The following VLDLR variants were observed in gnomAD, a reference collection of about 807,000 sequenced individuals.
VLDLR encodes the protein very low-density lipoprotein receptor.
In VLDLR, 81 loss-of-function variants were observed where a neutral mutation model predicts 112.7. That is an observed-to-expected ratio of 0.72 (90% CI 0.60 to 0.86). The LOEUF is 0.86. Among genes scored for constraint, VLDLR ranks in the 40% least tolerant of loss-of-function variants. The probability of loss-of-function intolerance (pLI) is 0.00; values close to 1 mark genes in which losing one functional copy is unlikely to be tolerated. For synonymous variants in VLDLR, 436 were observed against 384.8 expected (o/e 1.13, Z -1.56); for missense variants, 1,237 against 1,099.4 (o/e 1.13, Z -1.77).
In VLDLR at chr9:2,622,084, C is replaced by T. The variant is rs2130746857; in HGVS notation, c.-106C>T. On this transcript the variant is annotated 5_prime_UTR_variant, in exon 1 of 19. Transcript: ENST00000382100. ...TCCTTCCCCTCCTTCTCCCCCTTTC[C>T]CCTCCCCGCCCCCACCTTCTTCCTC... 3 of 1,157,680 alleles carry T rather than the reference C, an allele frequency of 2.6e-6. No homozygotes were observed. The highest frequency in any genetic ancestry group is 1.6e-5 in the African/African-American group (1 of 62,026). The allele number at this position is 1,157,680 out of a possible 1,614,324, so 71.7% of individuals were successfully genotyped here. A position where few individuals can be genotyped will look rare whatever the true frequency, so the allele number is the denominator to read the frequency against.
chr9:2,648,602 T>C, intron 13 of VLDLR, 67 bp from the exon 14 acceptor site: 1 of 1,610,680 alleles, frequency 6.2e-7, no homozygotes, highest in Middle Eastern at 1.7e-4. Flanking sequence ...AAGTAAATGA[T>C]GATGACCTTA....
chr9:2,631,251 T>C (rs1817337033), intron 1 of VLDLR, among the ~76,000 whole-genome samples: 1 of 152,164 alleles, frequency 6.6e-6, no homozygotes, highest in Admixed American at 6.5e-5. Flanking sequence ...AGGAAAACAA[T>C]ATGCAGATTT....
chr9:2,652,035 C>T, intron 17 of VLDLR, 81 bp downstream of exon 17: 1 of 1,287,822 alleles, frequency 7.8e-7, no homozygotes, highest in Non-Finnish European at 1.1e-6. Context: ...GGAGCTACCC[C>T]TTTCATGGGC....
At chr9:2,622,585 G>C (rs1816864167) in intron 1 of VLDLR, among the ~76,000 whole-genome samples, 1 of 152,246 alleles carries the variant, frequency 6.6e-6, no homozygotes, top group South Asian at 2.1e-4. Context: ...GCCGAGGTGC[G>C]TGGGCTTCTG....
chr9:2,652,591 GAGCT>G lies in VLDLR; in HGVS notation c.2417-187_2417-184del, dbSNP rs1486613611. On this transcript the variant is annotated intron_variant, in intron 17 of 18. Transcript: ENST00000382100. The stretch of plus-strand genomic sequence containing the variant: ...GTGGCTAGTCCAGCTCCAGTGCACA[GAGCT>G]ACCTCTGGGCTGAACTTGTTTCAAG... 5.9e-5 allele frequency among the ~76,000 whole-genome samples: 9 copies of G among 152,320 alleles called. No individual in the cohort carries two copies. In the South Asian group the frequency reaches 1.9e-3, roughly 32 times the overall value.
intron 1 of VLDLR, among the ~76,000 whole-genome samples, chr9:2,630,261 T>C (rs1409156988): frequency 6.6e-6 from 1 of 152,192 alleles, no homozygotes; most frequent in East Asian, 1.9e-4. Context: ...TTGCTTGTCC[T>C]GAAAGGAGTT....
At chr9:2,623,221 C>A (rs2130751919) in intron 1 of VLDLR, among the ~76,000 whole-genome samples, 1 of 152,236 alleles carries the variant, frequency 6.6e-6, no homozygotes, top group East Asian at 1.9e-4. Context: ...GACTCTGCCG[C>A]GGGGGCCTGG....
At chr9:2,624,638 T>G (rs763437896) in intron 1 of VLDLR, among the ~76,000 whole-genome samples, 1 of 152,196 alleles carries the variant, frequency 6.6e-6, no homozygotes, top group Non-Finnish European at 1.5e-5. Context: ...AGCCTAAGAA[T>G]AGAAAGAAAA....
intron 13 of VLDLR, 30 bp downstream of exon 13, chr9:2,648,377 C>T (rs373731010): frequency 1.9e-5 from 30 of 1,613,260 alleles, no homozygotes; most frequent in Middle Eastern, 1.6e-4. Context: ...AAAGTGTGTA[C>T]CTTTGAGCTA....
At chr9:2,635,360 G>A (rs1398797789) in intron 1 of VLDLR, 93 bp from the exon 2 acceptor site, 20 of 1,596,792 alleles carry the variant, frequency 1.3e-5, no homozygotes, top group Non-Finnish European at 1.7e-5. Context: ...CGAGTCTGCA[G>A]TATCCTTCTG....
Position 2,651,856 on chromosome 9 carries a change from C to T in VLDLR, c.2336-18C>T, listed in dbSNP as rs745330081. 6.2e-7 allele frequency: 1 copy of T among 1,613,832 alleles called. No individual in the cohort carries two copies. On this transcript the variant is annotated intron_variant, in intron 16 of 18. Transcript: ENST00000382100. ...GAATACAGATCCTTCTAAACTGATTCCTTTTATTCCTCTGTAGGGATCAAT... is the reference window on the plus strand; with the variant it reads ...GAATACAGATCCTTCTAAACTGATTTCTTTTATTCCTCTGTAGGGATCAAT...
intron 1 of VLDLR, among the ~76,000 whole-genome samples, chr9:2,625,861 C>T (rs918209300): frequency 6.6e-6 from 1 of 152,228 alleles, no homozygotes; most frequent in Non-Finnish European, 1.5e-5. Context: ...GAGTTTTGGG[C>T]TAGAAAATCT....
chr9:2,630,486 T>C (rs1817300551), intron 1 of VLDLR, among the ~76,000 whole-genome samples: 1 of 152,184 alleles, frequency 6.6e-6, no homozygotes, highest in South Asian at 2.1e-4. Context: ...CATGAGCCTC[T>C]GTGCAGGCTG....
chr9:2,643,717 G>T lies in VLDLR; in HGVS notation c.910G>T (p.Val304Phe). ...SRQCNGIRDC[V>F]DGSDEVNCKN... The stretch of plus-strand genomic sequence containing the variant: ...GCAGTGTAATGGTATCCGAGACTGT[G>T]TCGATGGTTCCGATGAAGTCAACTG... The change falls in exon 6 of 19, where the codon GTC becomes TTC. Residue 304 changes from valine to phenylalanine, a missense_variant. Val to Phe is a conservative substitution (Grantham distance 50). Transcript: ENST00000382100. 6.2e-7 allele frequency: 1 copy of T among 1,614,212 alleles called. No individual in the cohort carries two copies. The highest frequency in any genetic ancestry group is 8.5e-7 in the Non-Finnish European group (1 of 1,180,032).
chr9:2,646,526 C>T lies in VLDLR; in HGVS notation c.1677C>T (p.Ala559=). 6.2e-7 allele frequency: 1 copy of T among 1,614,134 alleles called. No homozygotes were observed. The highest frequency in any genetic ancestry group is 8.5e-7 in the Non-Finnish European group (1 of 1,180,020). ...FLFNSDLREP[A]SIAVDPLSGF... The stretch of plus-strand genomic sequence containing the variant: ...TTAACTCTGACTTGCGAGAGCCTGC[C>T]TCCATAGCTGTGGACCCACTGTCTG... Residue 559 remains alanine (A), a synonymous_variant, in exon 11 of 19, where the codon GCC becomes GCT. Coordinates refer to ENST00000382100, the MANE Select transcript of VLDLR (RefSeq NM_003383.5).
At chr9:2,624,796 A>T (rs1297229439) in intron 1 of VLDLR, among the ~76,000 whole-genome samples, 1 of 152,190 alleles carries the variant, frequency 6.6e-6, no homozygotes, top group Non-Finnish European at 1.5e-5. Context: ...TCAAAGACTG[A>T]TCACTCATGT....
intron 11 of VLDLR, among the ~76,000 whole-genome samples, chr9:2,647,070 C>T (rs1479603681): frequency 6.6e-6 from 1 of 152,162 alleles, no homozygotes; most frequent in African/African-American, 2.4e-5. Flanking sequence ...CATAGAAGAG[C>T]AGCTCAGGAA....
intron 10 of VLDLR, 59 bp downstream of exon 10, chr9:2,645,804 T>G (rs1818045920): frequency 1.2e-6 from 2 of 1,603,232 alleles, no homozygotes; most frequent in Non-Finnish European, 1.7e-6. Context: ...TGGGAAGTGA[T>G]CTGTGGGATA....
chr9:2,624,891 C>G (rs961594569), intron 1 of VLDLR, among the ~76,000 whole-genome samples: 1 of 152,198 alleles, frequency 6.6e-6, no homozygotes, highest in African/African-American at 2.4e-5. Context: ...GCTTTGTTCC[C>G]TGGATCACCC....
Sources: gnomAD v4.1 joint callset for allele counts (sites outside exome capture counted in the v4.1 genomes callset) on GRCh38, gnomAD v4.1.1 for gene constraint, MANE v1.5 for transcripts, NCBI Gene and HGNC (gene_info 2026-07-23, HGNC 2026-07-21) for gene names.